Variants in KLHL29 observed in about 807,000 individuals in gnomAD.
KLHL29 encodes kelch like family member 29, also known as kelch-like protein 29.
A neutral mutation model predicts 80.4 loss-of-function variants in KLHL29; 21 were observed. That is an observed-to-expected ratio of 0.26 (90% CI 0.19 to 0.38). KLHL29 has a LOEUF of 0.38. KLHL29 is among the 10% of genes least tolerant of loss of function. KLHL29 has a pLI of 1.00. For synonymous variants in KLHL29, 511 were observed against 526.8 expected (o/e 0.97, Z 0.41); for missense variants, 867 against 1,223.9 (o/e 0.71, Z 4.35).
At chr2:23,501,344 G>T (rs190379436) in intron 2 of KLHL29, among the ~76,000 whole-genome samples, 57 of 152,200 alleles carry the variant, frequency 3.7e-4, no homozygotes, top group African/African-American at 1.3e-3. Context: ...GAGATGCCCT[G>T]TAGTGTCAGC....
intron 3 of KLHL29, among the ~76,000 whole-genome samples, chr2:23,568,745 G>A (rs1299004665): frequency 1.3e-5 from 2 of 152,342 alleles, no homozygotes; most frequent in Middle Eastern, 3.4e-3. Context: ...AGGCATCTAA[G>A]GTTGGAAAGA....
At chr2:23,657,678 G>A (rs2149167528) in intron 5 of KLHL29, among the ~76,000 whole-genome samples, 1 of 152,350 alleles carries the variant, frequency 6.6e-6, no homozygotes, top group East Asian at 1.9e-4. Context: ...GCCCTCTCTG[G>A]GAGGGAGGTT....
At chr2:23,419,578 AT>A (rs1428079983) in intron 1 of KLHL29, among the ~76,000 whole-genome samples, 1 of 152,070 alleles carries the variant, frequency 6.6e-6, no homozygotes, top group African/African-American at 2.4e-5. Flanking sequence ...CATCTTCTCA[AT>A]TTCATTCTGA....
At chr2:23,538,566 C>G (rs1231359864) in intron 2 of KLHL29, among the ~76,000 whole-genome samples, 1 of 152,230 alleles carries the variant, frequency 6.6e-6, no homozygotes, top group Non-Finnish European at 1.5e-5. Context: ...TCCAAACACT[C>G]AGAAGAGTGT....
At chr2:23,687,079 A>G (rs1671294627) in intron 6 of KLHL29, among the ~76,000 whole-genome samples, 1 of 152,210 alleles carries the variant, frequency 6.6e-6, no homozygotes, top group Non-Finnish European at 1.5e-5. Context: ...CTGGAGACTT[A>G]CTGTGCAGTG....
At chr2:23,500,217 G>A (rs899663151) in intron 2 of KLHL29, among the ~76,000 whole-genome samples, 1 of 152,186 alleles carries the variant, frequency 6.6e-6, no homozygotes. Context: ...TCAAACACTG[G>A]TGTGCAGAAG....
intron 2 of KLHL29, among the ~76,000 whole-genome samples, chr2:23,533,346 G>A (rs549765809): frequency 2.4e-4 from 37 of 152,300 alleles, no homozygotes; most frequent in Non-Finnish European, 4.6e-4. Flanking sequence ...CCCACCCTCT[G>A]GGGCTGGCAT....
chr2:23,540,904 A>G (rs975214194), intron 2 of KLHL29, among the ~76,000 whole-genome samples: 1 of 152,170 alleles, frequency 6.6e-6, no homozygotes, highest in Non-Finnish European at 1.5e-5. Flanking sequence ...TGGAGTTCAT[A>G]TATCGTATCT....
intron 2 of KLHL29, among the ~76,000 whole-genome samples, chr2:23,551,991 C>T (rs987336328): frequency 1.3e-5 from 2 of 152,256 alleles, no homozygotes; most frequent in Admixed American, 6.5e-5. Context: ...TGCTGGACTG[C>T]TTAACACCAG....
chr2:23,527,193 C>T (rs1666353189), intron 2 of KLHL29, among the ~76,000 whole-genome samples: 2 of 152,186 alleles, frequency 1.3e-5, no homozygotes, highest in Admixed American at 6.5e-5. Context: ...CGTGTGTTTC[C>T]TGCCTCTGCT....
intron 5 of KLHL29, among the ~76,000 whole-genome samples, chr2:23,683,533 G>T (rs1219855714): frequency 6.6e-6 from 1 of 152,222 alleles, no homozygotes; most frequent in Non-Finnish European, 1.5e-5. Context: ...CCTTGGGGTG[G>T]GTCTGGGAGA....
At chr2:23,397,505 T>TCC (rs1666478974) in intron 1 of KLHL29, among the ~76,000 whole-genome samples, 2 of 152,256 alleles carry the variant, frequency 1.3e-5, no homozygotes, top group African/African-American at 4.8e-5. Flanking sequence ...TGGTATACCT[T>TCC]CCCGAATGCC....
chr2:23,433,999 G>A (rs933181954), intron 1 of KLHL29, among the ~76,000 whole-genome samples: 1 of 152,104 alleles, frequency 6.6e-6, no homozygotes, highest in African/African-American at 2.4e-5. Flanking sequence ...GTGTCTGTGG[G>A]TGTGTGCAAG....
chr2:23,531,883 C>T (rs1428460200), intron 2 of KLHL29, among the ~76,000 whole-genome samples: 1 of 152,238 alleles, frequency 6.6e-6, no homozygotes, highest in African/African-American at 2.4e-5. Flanking sequence ...CACGTCTGTG[C>T]CCTGGATACT....
chr2:23,510,524 G>T (rs1665736325), intron 2 of KLHL29, among the ~76,000 whole-genome samples: 2 of 152,200 alleles, frequency 1.3e-5, no homozygotes, highest in Admixed American at 1.3e-4. Context: ...TTAAACACAG[G>T]CTGGGACAAG....
chr2:23,645,907 C>T (rs1669915863), intron 5 of KLHL29, among the ~76,000 whole-genome samples: 1 of 152,208 alleles, frequency 6.6e-6, no homozygotes, highest in South Asian at 2.1e-4. Flanking sequence ...TCATCTGTGA[C>T]TAGAGAAGCC....
At chr2:23,406,738 A>G (rs1017904267) in intron 1 of KLHL29, among the ~76,000 whole-genome samples, 3 of 152,194 alleles carry the variant, frequency 2.0e-5, no homozygotes, top group Admixed American at 2.0e-4. Context: ...GTGCATGTCA[A>G]GTGAAGATAA....
In KLHL29 at chr2:23,707,854, T is replaced by A. The variant is rs898604484; in HGVS notation, c.*1190T>A. On this transcript the variant is annotated 3_prime_UTR_variant, in exon 14 of 14. Transcript: ENST00000486442. The stretch of plus-strand genomic sequence containing the variant: ...GGCCTGAGGGCATGAACAGAACCAC[T>A]CTTCTTGTCACATACGAACCTGAGA... 3 of 152,264 alleles carry A rather than the reference T, an allele frequency of 2.0e-5. No individual in the cohort carries two copies. The highest frequency in any genetic ancestry group is 7.2e-5 in the African/African-American group (3 of 41,430). The allele number at this position is 152,264 out of a possible 1,614,324, so 9.4% of individuals were successfully genotyped here.
At chr2:23,529,857 A>G (rs1369803319) in intron 2 of KLHL29, among the ~76,000 whole-genome samples, 1 of 152,154 alleles carries the variant, frequency 6.6e-6, no homozygotes, top group Non-Finnish European at 1.5e-5. Context: ...GCAGCATGAC[A>G]AAGGCTTGCC....
Sources: allele counts gnomAD v4.1 joint callset (sites outside exome capture counted in the v4.1 genomes callset), GRCh38; gene constraint gnomAD v4.1.1; transcripts MANE v1.5; gene names NCBI Gene and HGNC (gene_info 2026-07-23, HGNC 2026-07-21).